Variants in SUMF1 observed in about 807,000 individuals in gnomAD.
The protein encoded by SUMF1 is sulfatase modifying factor 1, also known as formylglycine-generating enzyme.
SUMF1 carries 48 observed loss-of-function variants against 47.6 expected under a neutral mutation model. The observed-to-expected ratio is 1.01, with a 90% CI of 0.80 to 1.28. SUMF1 has a LOEUF of 1.28. Ranked by LOEUF, SUMF1 falls within the 50% of genes most tolerant of loss-of-function variation. The pLI, the probability that SUMF1 is intolerant of heterozygous loss-of-function variation, is 0.00. For synonymous variants in SUMF1, 230 were observed against 192.1 expected, an observed-to-expected ratio of 1.20 and a Z score of -1.63; for missense variants, 571 against 485.4, an observed-to-expected ratio of 1.18 and a Z score of -1.66.
intron 8 of SUMF1, among the ~76,000 whole-genome samples, chr3:4,156,191 T>TTAA (rs1191140583): frequency 6.6e-6 from 1 of 151,462 alleles, no homozygotes; most frequent in Non-Finnish European, 1.5e-5. Context: ...CATAGGAATT[T>TTAA]TAATCTAGCC....
At chr3:4,052,373 A>G (rs1357066275) in intron 9 of SUMF1, among the ~76,000 whole-genome samples, 1 of 152,162 alleles carries the variant, frequency 6.6e-6, no homozygotes, top group Non-Finnish European at 1.5e-5. Flanking sequence ...ATATTCAAGC[A>G]CAGCAAAAAG....
Position 4,462,830 on chromosome 3 carries a change from C to A in SUMF1, c.270+4146G>T, listed in dbSNP as rs563510479. On this transcript the variant is annotated intron_variant, in intron 1 of 8. Coordinates refer to ENST00000272902, the MANE Select transcript of SUMF1 (RefSeq NM_182760.4). ...CTTATTTATCTATACCATTCTGTCACCCTCCTGCCTCTACAGACAGACACT... is the reference window on the plus strand; with the variant it reads ...CTTATTTATCTATACCATTCTGTCAACCTCCTGCCTCTACAGACAGACACT... Among the ~76,000 whole-genome samples, 8 of 152,320 alleles carry A rather than the reference C, an allele frequency of 5.3e-5. No individual in the cohort carries two copies. In the South Asian group the frequency reaches 1.7e-3, roughly 32 times the overall value.
chr3:4,195,504 G>A (rs996402), intron 8 of SUMF1, among the ~76,000 whole-genome samples: 47,779 of 151,990 alleles, frequency 0.31, 7,649 homozygotes, highest in East Asian at 0.4. Context: ...CAGACTTGCC[G>A]TTTAACAAAA....
intron 8 of SUMF1, among the ~76,000 whole-genome samples, chr3:4,260,824 G>A (rs1305068557): frequency 6.6e-6 from 1 of 152,110 alleles, no homozygotes; most frequent in African/African-American, 2.4e-5. Context: ...CCCTCCATAT[G>A]TGCGTGTCCT....
At chr3:4,373,517 CT>C (rs1700231268) in intron 8 of SUMF1, among the ~76,000 whole-genome samples, 1 of 151,958 alleles carries the variant, frequency 6.6e-6, no homozygotes, top group African/African-American at 2.4e-5. Flanking sequence ...ACTCAGGAGG[CT>C]GAGGCAGGAC....
chr3:4,265,807 G>A (rs967956472), intron 8 of SUMF1, among the ~76,000 whole-genome samples: 3 of 152,124 alleles, frequency 2.0e-5, no homozygotes, highest in African/African-American at 7.2e-5. Flanking sequence ...CCTTGCCTGT[G>A]CCTATGTCCT....
intron 3 of SUMF1, among the ~76,000 whole-genome samples, chr3:4,420,985 G>A (rs1334571109): frequency 1.3e-5 from 2 of 152,108 alleles, no homozygotes; most frequent in African/African-American, 2.4e-5. Flanking sequence ...CTGTGAAATG[G>A]GAGCACACCC....
In SUMF1 at chr3:4,418,097, T is replaced by C. The variant is rs781215980; in HGVS notation, c.638A>G (p.Asp213Gly). The C allele has an allele frequency of 6.2e-7, 1 of 1,614,082 alleles. No homozygotes were observed. The highest frequency in any genetic ancestry group is 1.1e-5 in the South Asian group (1 of 91,086). The change falls in exon 5 of 9, where the codon GAT (aspartate) becomes GGT (glycine). Residue 213 changes from aspartate to glycine, a missense_variant. Transcript: ENST00000272902. ...DHPVLHVSWN[D>G]AVAYCTWAGK... is the part of the protein sequence containing the mutation. ...TGCCCAAGTGCAGTAGGCAACCGCA[T>C]CATTCCAGGACACATGGAGAACTGG...
intron 8 of SUMF1, among the ~76,000 whole-genome samples, chr3:4,236,255 T>C (rs1207174725): frequency 6.6e-6 from 1 of 152,030 alleles, no homozygotes; most frequent in South Asian, 2.1e-4. Flanking sequence ...TAACAGAAAT[T>C]GGCAAGGGAT....
chr3:4,219,835 C>G lies in SUMF1; in HGVS notation c.1015-151090G>C, dbSNP rs1329524498. ...AATTTGCATTTTTAACAAGCTCTCC[C>G]AAGCTGAATCCAGCCTTAAAGTTAA... On this transcript the variant is annotated intron_variant and NMD_transcript_variant, in intron 8 of 12. Transcript: ENST00000448413. Among the ~76,000 whole-genome samples the G allele has an allele frequency of 6.6e-5, 10 of 152,138 alleles. 1 individual carries two copies. Among genetic ancestry groups the G allele is most frequent in the Non-Finnish European group, 1.5e-4 (10 of 68,030 alleles).
intron 5 of SUMF1, 132 bp from the exon 6 acceptor site, chr3:4,417,374 A>T (rs1170243233): frequency 4.8e-6 from 3 of 622,130 alleles, no homozygotes; most frequent in Middle Eastern, 3.3e-4. Flanking sequence ...TATATATATA[A>T]ATAAATAAAG....
At chr3:4,109,402 C>G (rs796177420) in intron 8 of SUMF1, among the ~76,000 whole-genome samples, 3 of 152,012 alleles carry the variant, frequency 2.0e-5, no homozygotes, top group Non-Finnish European at 4.4e-5. Context: ...AATTATGTGT[C>G]TTGGAGTTGC....
intron 8 of SUMF1, among the ~76,000 whole-genome samples, chr3:4,323,437 G>A (rs1446879803): frequency 1.3e-5 from 2 of 152,196 alleles, no homozygotes; most frequent in East Asian, 1.9e-4. Context: ...GGTTTCTTTT[G>A]GGGGTAATGC....
At chr3:4,378,302 G>A (rs532445001) in intron 7 of SUMF1, among the ~76,000 whole-genome samples, 1 of 152,222 alleles carries the variant, frequency 6.6e-6, no homozygotes, top group African/African-American at 2.4e-5. Context: ...AACTGAAAGT[G>A]GAAAACAGAA....
intron 8 of SUMF1, among the ~76,000 whole-genome samples, chr3:4,255,728 T>A (rs1696936104): frequency 7.4e-6 from 1 of 134,334 alleles, no homozygotes; most frequent in African/African-American, 3.0e-5. Flanking sequence ...TCAACAAGGA[T>A]ACCCAGGAAT....
chr3:4,435,134 C>G (rs548118833), intron 3 of SUMF1, among the ~76,000 whole-genome samples: 3 of 152,252 alleles, frequency 2.0e-5, no homozygotes, highest in Admixed American at 6.5e-5. Context: ...ACCACGTTAG[C>G]CAGGCTGGTC....
intron 3 of SUMF1, among the ~76,000 whole-genome samples, chr3:4,426,773 C>T (rs1435260917): frequency 6.6e-6 from 1 of 152,222 alleles, no homozygotes; most frequent in Non-Finnish European, 1.5e-5. Flanking sequence ...TCCACCTACA[C>T]ATTCTCTGCT....
rs147292636 is a variant in SUMF1 at position 4,197,166 on chromosome 3, T to C, written c.1015-128421A>G. Among the ~76,000 whole-genome samples the C allele has an allele frequency of 1.1e-4, 17 of 152,114 alleles. No homozygotes were observed. In the East Asian group the frequency reaches 3.1e-3, roughly 28 times the overall value. ...AGGAGATGGTATCATGGACCTGGAGTACAGTGGCACGATCACAGCTCACTG... is the reference window on the plus strand; with the variant it reads ...AGGAGATGGTATCATGGACCTGGAGCACAGTGGCACGATCACAGCTCACTG... On this transcript the variant is annotated intron_variant and NMD_transcript_variant, in intron 8 of 12. Transcript: ENST00000448413.
At chr3:4,293,914 G>T (rs372294370) in intron 8 of SUMF1, among the ~76,000 whole-genome samples, 12 of 152,176 alleles carry the variant, frequency 7.9e-5, no homozygotes, top group African/African-American at 2.7e-4. Context: ...GCAGCCAGAA[G>T]AAAAGTAGTC....
Sources: gnomAD v4.1 joint callset for allele counts (sites outside exome capture counted in the v4.1 genomes callset) on GRCh38, gnomAD v4.1.1 for gene constraint, MANE v1.5 for transcripts, NCBI Gene and HGNC (gene_info 2026-07-23, HGNC 2026-07-21) for gene names.